Variants in RTN4R observed in about 807,000 individuals in gnomAD.
RTN4R encodes the protein reticulon-4 receptor.
Under a neutral mutation model 27.7 loss-of-function variants are expected in RTN4R, and 4 were observed. The ratio of observed to expected loss-of-function variants is 0.14; its 90% CI spans 0.07 to 0.33. The LOEUF (loss-of-function observed/expected upper bound fraction) is 0.33, where lower values mean the gene tolerates loss of function less well. RTN4R is among the 10% of genes least tolerant of loss of function. RTN4R has a pLI of 1.00. For missense variants in RTN4R, 554 were observed against 671.5 expected (o/e 0.83, Z 1.93); for synonymous variants, 290 against 305.6 (o/e 0.95, Z 0.53).
At chr22:20,246,654 C>A (rs898395255) in intron 1 of RTN4R, among the ~76,000 whole-genome samples, 2 of 152,198 alleles carry the variant, frequency 1.3e-5, no homozygotes, top group African/African-American at 4.8e-5. Flanking sequence ...GTCCCTGGCC[C>A]CCACTGTTCC....
chr22:20,253,472 C>T (rs2051195801), intron 1 of RTN4R, among the ~76,000 whole-genome samples: 1 of 152,174 alleles, frequency 6.6e-6, no homozygotes, highest in African/African-American at 2.4e-5. Context: ...GTGGGGAGCA[C>T]AGTGGCAGGC....
At chr22:20,267,913 C>G (rs1174637804) in intron 1 of RTN4R, among the ~76,000 whole-genome samples, 158 bp downstream of exon 1, 1 of 151,922 alleles carries the variant, frequency 6.6e-6, no homozygotes, top group Non-Finnish European at 1.5e-5. Context: ...GCCAGCGGCC[C>G]CAGCCTGGCG....
intron 1 of RTN4R, among the ~76,000 whole-genome samples, chr22:20,256,272 C>G (rs974387447): frequency 6.6e-6 from 1 of 152,212 alleles, no homozygotes; most frequent in East Asian, 1.9e-4. Flanking sequence ...AGTCCAAGGC[C>G]ACACTGGGCG....
intron 1 of RTN4R, among the ~76,000 whole-genome samples, chr22:20,259,886 C>A (rs2051234838): frequency 6.6e-6 from 1 of 152,150 alleles, no homozygotes; most frequent in African/African-American, 2.4e-5. Context: ...TCCCTGCCGC[C>A]CAGCATGGGA....
chr22:20,245,610 T>G lies in RTN4R; in HGVS notation c.23-2500A>C, dbSNP rs117642050. 4.5e-4 allele frequency among the ~76,000 whole-genome samples: 68 copies of G among 152,222 alleles called. 2 individuals are homozygous for G. In the East Asian group the frequency reaches 0.013, roughly 29 times the overall value. On this transcript the variant is annotated intron_variant, in intron 1 of 1. Transcript: ENST00000043402. ...CACCCCAAAAGACCTCCCTGGCCCG[T>G]GGCCCCTGACCTGTCCCCTGGGCTC...
intron 1 of RTN4R, among the ~76,000 whole-genome samples, chr22:20,249,478 C>T (rs1359117833): frequency 2.6e-5 from 4 of 152,224 alleles, no homozygotes; most frequent in South Asian, 4.1e-4. Context: ...CCCAGAGTGT[C>T]GGCCTTGACA....
chr22:20,256,644 C>A (rs998999301), intron 1 of RTN4R, among the ~76,000 whole-genome samples: 3 of 152,224 alleles, frequency 2.0e-5, no homozygotes, highest in Non-Finnish European at 2.9e-5. Flanking sequence ...ACCCACCGGG[C>A]AGCCAGCCAG....
chr22:20,267,184 G>A (rs1294565589), intron 1 of RTN4R, among the ~76,000 whole-genome samples: 2 of 152,270 alleles, frequency 1.3e-5, no homozygotes, highest in African/African-American at 4.8e-5. Flanking sequence ...CTGGGGCGGC[G>A]TTGGCTTGCA....
chr22:20,241,986 G>A lies in RTN4R; in HGVS notation c.1147C>T (p.Pro383Ser). 6.2e-7 allele frequency: 1 copy of A among 1,610,364 alleles called. No homozygotes were observed. Among genetic ancestry groups the A allele is most frequent in the Non-Finnish European group, 8.5e-7 (1 of 1,179,858 alleles). The part of the protein sequence containing the change: ...GSGPRHINDS[P>S]FGTLPGSAEP... Reference sequence around the variant, plus strand: ...GCAGAGCCAGGCAGAGTCCCAAAGGGTGAGTCATTGATGTGCCGTGGGCCA... The same window carrying A: ...GCAGAGCCAGGCAGAGTCCCAAAGGATGAGTCATTGATGTGCCGTGGGCCA... The change falls in exon 2 of 2, where the codon CCC (proline) becomes TCC (serine). Residue 383 changes from proline to serine, a missense_variant. Around this residue, in one of 2 missense-constraint regions of RTN4R, gnomAD observed 141 missense variants for 129.2 expected, o/e 1.09. Transcript: ENST00000043402.
Position 20,242,455 on chromosome 22 carries a change from G to A in RTN4R, c.678C>T (p.Gly226=). ...CAAACAGATAGAGTGTCATGAGGCG[G>A]CCAAGGTCACGGAAGGCATGCGGGT... is the stretch of plus-strand genomic sequence containing the variant. ...HVHPHAFRDL[G]RLMTLYLFAN... The change falls in exon 2 of 2, where the codon GGC becomes GGT. Residue 226 remains glycine, a synonymous_variant. Transcript: ENST00000043402. 1 of 1,613,672 alleles carries A rather than the reference G, an allele frequency of 6.2e-7. No homozygotes were observed. Among genetic ancestry groups the A allele is most frequent in the Non-Finnish European group, 8.5e-7 (1 of 1,179,990 alleles).
intron 1 of RTN4R, among the ~76,000 whole-genome samples, chr22:20,257,723 A>C (rs961058176): frequency 7.2e-4 from 109 of 152,362 alleles, no homozygotes; most frequent in African/African-American, 2.6e-3. Flanking sequence ...TCTACAATGA[A>C]CATGACCTCA....
intron 1 of RTN4R, among the ~76,000 whole-genome samples, chr22:20,252,891 G>A (rs1569038947): frequency 6.6e-6 from 1 of 152,084 alleles, no homozygotes; most frequent in Non-Finnish European, 1.5e-5. Context: ...AGGACAATGA[G>A]AGGCCAGCAC....
At chr22:20,267,071 C>T (rs960426720) in intron 1 of RTN4R, among the ~76,000 whole-genome samples, 6 of 152,166 alleles carry the variant, frequency 3.9e-5, no homozygotes, top group South Asian at 2.1e-4. Flanking sequence ...AGCAGGCATG[C>T]CGCGTGCATG....
At chr22:20,266,080 C>T (rs2051275195) in intron 1 of RTN4R, among the ~76,000 whole-genome samples, 1 of 152,260 alleles carries the variant, frequency 6.6e-6, no homozygotes, top group Non-Finnish European at 1.5e-5. Flanking sequence ...TTCCCACCCC[C>T]GGCATGGGAG....
chr22:20,250,720 A>AT (rs1412959643), intron 1 of RTN4R, among the ~76,000 whole-genome samples: 1 of 152,108 alleles, frequency 6.6e-6, no homozygotes, highest in East Asian at 1.9e-4. Context: ...AGAAATGATC[A>AT]TTTTTCTAAA....
rs1044104984 is a variant in RTN4R at position 20,242,323 on chromosome 22, T to A, written c.810A>T (p.Pro270=). 2 of 1,609,738 alleles carry A rather than the reference T, an allele frequency of 1.2e-6. No individual in the cohort carries two copies. The highest frequency in any genetic ancestry group is 8.5e-7 in the Non-Finnish European group (1 of 1,178,930). Residue 270 remains proline (P), a synonymous_variant, in exon 2 of 2, where the codon CCA becomes CCT. Transcript: ENST00000043402. ...GGAACTTCTGCAGCCAGGCCCAGAG[T>A]GGGCGTGCCCGGCAGTCACACACCC... The part of the protein sequence containing the change: ...NPWVCDCRAR[P]LWAWLQKFRG...
intron 1 of RTN4R, among the ~76,000 whole-genome samples, chr22:20,244,560 G>A (rs2051129023): frequency 6.6e-6 from 1 of 152,190 alleles, no homozygotes; most frequent in Non-Finnish European, 1.5e-5. Context: ...CCCAGGGATG[G>A]GGGTCCGGAG....
At chr22:20,243,479 T>C (rs750630556) in intron 1 of RTN4R, 10 of 524,396 alleles carry the variant, frequency 1.9e-5, no homozygotes, top group African/African-American at 1.3e-4. Context: ...AGAGCCCGCA[T>C]TGCAGGAGTC....
chr22:20,260,189 A>G lies in RTN4R; in HGVS notation c.22+7882T>C, dbSNP rs73879305. On this transcript the variant is annotated intron_variant, in intron 1 of 1. Transcript: ENST00000043402. ...TCCTGCTGTTGTCTCACGTGGCCCTAGGGGGCTCATCTGTAGCCCCCACGG... is the reference window on the plus strand; with the variant it reads ...TCCTGCTGTTGTCTCACGTGGCCCTGGGGGGCTCATCTGTAGCCCCCACGG... 8.2e-3 allele frequency among the ~76,000 whole-genome samples: 1,243 copies of G among 152,200 alleles called. 9 individuals are homozygous for G. Among genetic ancestry groups the G allele is most frequent in the African/African-American group, 0.028 (1,174 of 41,542 alleles).
Sources: gnomAD v4.1 joint callset for allele counts (sites outside exome capture counted in the v4.1 genomes callset) on GRCh38, gnomAD v4.1.1 for gene constraint, gnomAD v4.1.1 regional missense constraint, MANE v1.5 for transcripts, NCBI Gene and HGNC (gene_info 2026-07-23, HGNC 2026-07-21) for gene names.